Variants in ARFGEF1 observed in about 807,000 individuals in gnomAD.
The protein encoded by ARFGEF1 is brefeldin A-inhibited guanine nucleotide-exchange protein 1.
ARFGEF1 carries 42 observed loss-of-function variants against 231.0 expected under a neutral mutation model. That is an observed-to-expected ratio of 0.18 (90% confidence interval 0.14 to 0.24). The LOEUF (loss-of-function observed/expected upper bound fraction) is 0.24. Among genes scored for constraint, ARFGEF1 ranks in the 10% least tolerant of loss-of-function variants. The probability of loss-of-function intolerance (pLI) is 1.00; values close to 1 mark genes in which losing one functional copy is unlikely to be tolerated. For synonymous variants in ARFGEF1, 710 were observed against 732.3 expected (o/e 0.97, Z 0.49); for missense variants, 1,345 against 2,192.0 (o/e 0.61, Z 7.72).
At chr8:67,302,276 T>C (rs1457367929) in intron 2 of ARFGEF1, among the ~76,000 whole-genome samples, 160 bp downstream of exon 2, 1 of 152,096 alleles carries the variant, frequency 6.6e-6, no homozygotes, top group East Asian at 1.9e-4. Flanking sequence ...TTATTGTTTT[T>C]ATATAATTGT....
At chr8:67,336,140 ACAAAATAT>A (rs1421011769) in intron 1 of ARFGEF1, among the ~76,000 whole-genome samples, 3 of 152,262 alleles carry the variant, frequency 2.0e-5, no homozygotes, top group Non-Finnish European at 4.4e-5. Flanking sequence ...TCTAAGCAAA[ACAAAATAT>A]CAAAAGCAGA....
At chr8:67,305,451 G>C (rs886282702) in intron 1 of ARFGEF1, among the ~76,000 whole-genome samples, 1 of 152,134 alleles carries the variant, frequency 6.6e-6, no homozygotes, top group Non-Finnish European at 1.5e-5. Flanking sequence ...GGGTTCAAGC[G>C]ATTCTCCTGC....
At chr8:67,244,242 C>CAAAAAAAAAAAAA (rs34333039) in intron 19 of ARFGEF1, among the ~76,000 whole-genome samples, 9 of 20,096 alleles carry the variant, frequency 4.5e-4, no homozygotes, top group African/African-American at 8.7e-4. Flanking sequence ...GACTCCACCT[C>CAAAAAAAAAAAAA]AAAAAAAAAA....
chr8:67,236,348 T>G (rs1386784005), intron 22 of ARFGEF1, among the ~76,000 whole-genome samples: 3 of 13,970 alleles, frequency 2.1e-4, no homozygotes, highest in Non-Finnish European at 4.0e-4. Context: ...AAGATATTAG[T>G]TAAAAAAAAA....
intron 5 of ARFGEF1, among the ~76,000 whole-genome samples, chr8:67,191,842 T>G (rs1002011165): frequency 1.7e-4 from 26 of 152,234 alleles, no homozygotes; most frequent in African/African-American, 6.0e-4. Flanking sequence ...TTTTCCAAAG[T>G]GGCTGTACCA....
intron 6 of ARFGEF1, among the ~76,000 whole-genome samples, chr8:67,288,774 T>C (rs191682043): frequency 2.1e-4 from 32 of 152,008 alleles, no homozygotes; most frequent in African/African-American, 7.5e-4. Flanking sequence ...TTACTTAGGC[T>C]CATCAATAGT....
At chr8:67,192,071 T>TG (rs1187335044) in intron 5 of ARFGEF1, among the ~76,000 whole-genome samples, 2 of 141,864 alleles carry the variant, frequency 1.4e-5, no homozygotes, top group African/African-American at 5.3e-5. Context: ...GATTTGTTTT[T>TG]TTTTTTGTTT....
rs775448480 is a variant in ARFGEF1 at position 67,253,605 on chromosome 8, T to C, written c.2544A>G (p.Thr848=). 2 of 1,495,468 alleles carry C rather than the reference T, an allele frequency of 1.3e-6. No homozygotes were observed. The highest frequency in any genetic ancestry group is 2.8e-5 in the African/African-American group (2 of 70,636). The allele number at this position is 1,495,468 out of a possible 1,614,324, so 92.6% of individuals were successfully genotyped here. A position where few individuals can be genotyped will look rare whatever the true frequency, so the allele number is the denominator to read the frequency against. The part of the protein sequence containing the change: ...LHSPQVKNKM[T]KEQYIKMNRG... ...TATTCATCTTAATGTATTGTTCCTT[T>C]GTCATTTTATTTTTCACCTAGATAT... is the stretch of plus-strand genomic sequence containing the variant. Residue 848 remains threonine, a synonymous_variant, in exon 18 of 39, where the codon ACA becomes ACG. Coordinates refer to ENST00000262215, the MANE Select transcript of ARFGEF1 (RefSeq NM_006421.5).
At position 67,291,949 on chromosome 8, in the gene ARFGEF1, C is replaced by T; in HGVS notation, c.814G>A (p.Val272Ile). The T allele has an allele frequency of 1.9e-6, 3 of 1,613,938 alleles. No homozygotes were observed. The highest frequency in any genetic ancestry group is 2.5e-6 in the Non-Finnish European group (3 of 1,179,900). Reference sequence around the variant, plus strand: ...GTGTCATCCTGAAGACTTTTATCTACATCATTTGTATGGAGGTCAAGGTCC... The same window carrying T: ...GTGTCATCCTGAAGACTTTTATCTATATCATTTGTATGGAGGTCAAGGTCC... ...EGDLDLHTND[V>I]DKSLQDDTEP... is the part of the protein sequence containing the mutation. Residue 272 changes from valine (V) to isoleucine (I), a missense_variant, in exon 6 of 39, where the codon GTA becomes ATA. Coordinates refer to ENST00000262215, the MANE Select transcript of ARFGEF1 (RefSeq NM_006421.5).
At chr8:67,339,806 A>ATTCTTTCTTTT (rs1808535222) in intron 1 of ARFGEF1, among the ~76,000 whole-genome samples, 1 of 22,494 alleles carries the variant, frequency 4.4e-5, no homozygotes, top group Non-Finnish European at 8.3e-5. Flanking sequence ...GGGGGGGGGG[A>ATTCTTTCTTTT]TTCTTTCTTT....
At chr8:67,257,705 G>C in intron 17 of ARFGEF1, 27 bp downstream of exon 17, 3 of 1,515,016 alleles carry the variant, frequency 2.0e-6, no homozygotes, top group South Asian at 1.2e-5. Context: ...ACCGCTTATT[G>C]TAAAACTGAC....
At chr8:67,286,192 A>G (rs1211450290) in intron 7 of ARFGEF1, among the ~76,000 whole-genome samples, 1 of 152,228 alleles carries the variant, frequency 6.6e-6, no homozygotes, top group East Asian at 1.9e-4. Context: ...CGATTTTCAA[A>G]TGGTTCAGCA....
rs73256696 is a variant in ARFGEF1 at position 67,214,661 on chromosome 8, A to G, written c.4686+1929T>C. 5.4e-3 allele frequency among the ~76,000 whole-genome samples: 820 copies of G among 152,354 alleles called. 7 individuals carry two copies. The highest frequency in any genetic ancestry group is 0.019 in the African/African-American group (791 of 41,588). ...GATCATCTCAGCAGAAGCCAGGAAC[A>G]TAACAGGACTATCCAGAAAGATGTG... On this transcript the variant is annotated intron_variant, in intron 33 of 38. Transcript: ENST00000262215.
chr8:67,198,602 T>C lies in ARFGEF1; in HGVS notation c.*332A>G. On this transcript the variant is annotated 3_prime_UTR_variant, in exon 39 of 39. Coordinates refer to ENST00000262215, the MANE Select transcript of ARFGEF1 (RefSeq NM_006421.5). ...GTACTTCTTGTAGAAGTTCAATCTT[T>C]ACATCTATAGTTCTTTGGGTAAGTT... is the stretch of plus-strand genomic sequence containing the variant. 6.7e-6 allele frequency: 7 copies of C among 1,045,710 alleles called. No individual in the cohort carries two copies. The highest frequency in any genetic ancestry group is 1.7e-5 in the African/African-American group (1 of 58,296). 64.8% of individuals were successfully genotyped at this position (1,045,710 alleles called of 1,614,324 possible).
Position 67,204,771 on chromosome 8 carries a change from A to T in ARFGEF1, c.4868T>A (p.Val1623Glu). The T allele has an allele frequency of 1.2e-6, 2 of 1,614,094 alleles. No homozygotes were observed. Among genetic ancestry groups the T allele is most frequent in the Non-Finnish European group, 1.7e-6 (2 of 1,179,990 alleles). ...GATAGTCTGGATGAGTTCCAGCTGC[A>T]CAACACATTTAATCAACAGGGCAGC... ...LFAALLIKCV[V>E]QLELIQTIDN... The change falls in exon 35 of 39, where the codon GTG becomes GAG. Residue 1623 changes from valine to glutamate, a missense_variant. Physicochemically the swap from Val to Glu is moderately radical, Grantham distance 121 (BLOSUM62 -2). Transcript: ENST00000262215.
chr8:67,308,135 C>T (rs1005876114), intron 1 of ARFGEF1, among the ~76,000 whole-genome samples: 1 of 152,212 alleles, frequency 6.6e-6, no homozygotes, highest in East Asian at 1.9e-4. Context: ...CAGTTCCTGG[C>T]CATTCACATC....
At chr8:67,216,568 T>C (rs779759071) in intron 33 of ARFGEF1, 22 bp downstream of exon 33, 1 of 1,582,184 alleles carries the variant, frequency 6.3e-7, no homozygotes, top group South Asian at 1.2e-5. Context: ...AATTTCAATA[T>C]ACTTTACTGA....
At chr8:67,291,176 G>C (rs571922504) in intron 6 of ARFGEF1, among the ~76,000 whole-genome samples, 84 of 152,136 alleles carry the variant, frequency 5.5e-4, no homozygotes, top group African/African-American at 2.0e-3. Flanking sequence ...TAGTTTCACA[G>C]AACAGCTAAA....
At chr8:67,269,733 CCT>C (rs1376714782) in intron 10 of ARFGEF1, among the ~76,000 whole-genome samples, 3 of 151,846 alleles carry the variant, frequency 2.0e-5, no homozygotes, top group Non-Finnish European at 2.9e-5. Context: ...ATTATCGCCC[CCT>C]GAGGGACAAT....
Sources: gnomAD v4.1 joint callset for allele counts (sites outside exome capture counted in the v4.1 genomes callset) on GRCh38, gnomAD v4.1.1 for gene constraint, MANE v1.5 for transcripts, NCBI Gene and HGNC (gene_info 2026-07-23, HGNC 2026-07-21) for gene names.